The following KCNAB1 variants were observed in gnomAD, a reference collection of about 807,000 sequenced individuals.
The protein encoded by KCNAB1 is potassium voltage-gated channel subfamily A regulatory beta subunit 1, also known as voltage-gated potassium channel subunit beta-1.
In KCNAB1, 35 loss-of-function variants were observed where a neutral mutation model predicts 64.6. The ratio of observed to expected loss-of-function variants is 0.54; its 90% CI spans 0.41 to 0.72. The LOEUF (loss-of-function observed/expected upper bound fraction) is 0.72. Among genes scored for constraint, KCNAB1 ranks in the 30% least tolerant of loss-of-function variants. KCNAB1 has a pLI of 0.00. For synonymous variants in KCNAB1, 177 were observed against 183.8 expected (o/e 0.96, Z 0.30); for missense variants, 401 against 512.9 (o/e 0.78, Z 2.11).
chr3:156,241,676 C>T (rs928231899), intron 1 of KCNAB1, among the ~76,000 whole-genome samples: 4 of 152,174 alleles, frequency 2.6e-5, no homozygotes, highest in Admixed American at 2.6e-4. Context: ...TTTCCCTTCC[C>T]TAGCACCTGG....
chr3:156,236,931 T>G (rs1489173698), intron 1 of KCNAB1, among the ~76,000 whole-genome samples: 1 of 152,196 alleles, frequency 6.6e-6, no homozygotes, highest in Non-Finnish European at 1.5e-5. Context: ...ACAAAAGTCT[T>G]GCAAATAGGA....
intron 1 of KCNAB1, among the ~76,000 whole-genome samples, chr3:156,374,301 T>A (rs899290631): frequency 6.6e-6 from 1 of 152,154 alleles, no homozygotes; most frequent in Non-Finnish European, 1.5e-5. Context: ...ATCCTGTGAC[T>A]CTGTCCTGAG....
intron 2 of KCNAB1, among the ~76,000 whole-genome samples, chr3:156,442,292 G>A (rs1438689874): frequency 6.6e-6 from 1 of 152,154 alleles, no homozygotes; most frequent in African/African-American, 2.4e-5. Flanking sequence ...CCTCTAGAGA[G>A]CAATGTCAAT....
intron 1 of KCNAB1, among the ~76,000 whole-genome samples, chr3:156,389,491 T>C (rs1264705216): frequency 6.6e-6 from 1 of 152,110 alleles, no homozygotes; most frequent in Non-Finnish European, 1.5e-5. Flanking sequence ...CCACCCCAGA[T>C]CCCATGTACA....
intron 1 of KCNAB1, among the ~76,000 whole-genome samples, chr3:156,163,353 C>T (rs1716192428): frequency 6.6e-6 from 1 of 152,080 alleles, no homozygotes; most frequent in Admixed American, 6.5e-5. Flanking sequence ...TTTAGGTTTT[C>T]CAGTGAGCTA....
At chr3:156,276,716 C>T (rs1719369529) in intron 1 of KCNAB1, among the ~76,000 whole-genome samples, 1 of 152,164 alleles carries the variant, frequency 6.6e-6, no homozygotes, top group African/African-American at 2.4e-5. Context: ...TCATCTGTAG[C>T]TTTCCCACCT....
chr3:156,302,344 T>G (rs1721208952), intron 1 of KCNAB1, among the ~76,000 whole-genome samples: 1 of 152,116 alleles, frequency 6.6e-6, no homozygotes, highest in Non-Finnish European at 1.5e-5. Context: ...TTCCAGGAAT[T>G]AGGACATAGA....
At chr3:156,532,736 T>C (rs1288724342) in intron 13 of KCNAB1, among the ~76,000 whole-genome samples, 1 of 152,214 alleles carries the variant, frequency 6.6e-6, no homozygotes, top group African/African-American at 2.4e-5. Flanking sequence ...CCTACTGGAT[T>C]CTGTGAGGTT....
rs995930979 is a variant in KCNAB1 at position 156,291,032 on chromosome 3, C to T, written c.276-130584C>T. 22 of 985,672 alleles carry T rather than the reference C, an allele frequency of 2.2e-5. No homozygotes were observed. The African/African-American group carries it at 2.8e-4, about 13-fold the overall frequency. The allele number at this position is 985,672 out of a possible 1,614,324, so 61.1% of individuals were successfully genotyped here. A position where few individuals can be genotyped will look rare whatever the true frequency, so the allele number is the denominator to read the frequency against. On this transcript the variant is annotated intron_variant, in intron 1 of 13. Coordinates refer to ENST00000490337, the MANE Select transcript of KCNAB1 (RefSeq NM_172160.3). ...GGCATAAGCACCCCCTCTCTGCCTTCCCCCAGTTCCAACTGTTGTGCTGCA... is the reference window on the plus strand; with the variant it reads ...GGCATAAGCACCCCCTCTCTGCCTTTCCCCAGTTCCAACTGTTGTGCTGCA...
chr3:156,407,592 G>T (rs1055740791), intron 1 of KCNAB1, among the ~76,000 whole-genome samples: 1 of 152,328 alleles, frequency 6.6e-6, no homozygotes, highest in Admixed American at 6.5e-5. Context: ...GTCTTTTAAA[G>T]TTTATGTCCT....
intron 8 of KCNAB1, among the ~76,000 whole-genome samples, chr3:156,499,975 A>C (rs952597397): frequency 2.6e-5 from 4 of 152,152 alleles, no homozygotes; most frequent in Non-Finnish European, 4.4e-5. Context: ...AAATTTTCAT[A>C]TGGGGGTGAC....
intron 1 of KCNAB1, among the ~76,000 whole-genome samples, chr3:156,410,522 T>G (rs917878519): frequency 5.3e-5 from 8 of 152,222 alleles, no homozygotes; most frequent in Non-Finnish European, 8.8e-5. Context: ...ATTCACTTTT[T>G]GTGTTTCTAC....
At chr3:156,523,972 G>A in intron 12 of KCNAB1, 25 bp downstream of exon 12, 3 of 1,607,518 alleles carry the variant, frequency 1.9e-6, no homozygotes, top group Non-Finnish European at 2.5e-6. Context: ...AAGCTATGGG[G>A]TGGTAGAGGG....
intron 2 of KCNAB1, among the ~76,000 whole-genome samples, chr3:156,422,392 G>A (rs1225392978): frequency 6.6e-6 from 1 of 152,192 alleles, no homozygotes; most frequent in African/African-American, 2.4e-5. Flanking sequence ...TGGTAACTGA[G>A]GAAGTAGTGA....
chr3:156,304,609 T>C (rs1293570012), intron 1 of KCNAB1, among the ~76,000 whole-genome samples: 1 of 152,238 alleles, frequency 6.6e-6, no homozygotes, highest in Non-Finnish European at 1.5e-5. Context: ...TTTCCCTTGT[T>C]GGCATGTGGC....
rs191664424 is a variant in KCNAB1, at chr3:156,419,432, C to T, written c.276-2184C>T. Reference sequence around the variant, plus strand: ...AGGAGAGTGGCATGAACCCGGGAGGCGGAGCTTGCAGTGAGCCGAGATTGC... The same window carrying T: ...AGGAGAGTGGCATGAACCCGGGAGGTGGAGCTTGCAGTGAGCCGAGATTGC... On this transcript the variant is annotated intron_variant, in intron 1 of 13. Coordinates refer to ENST00000490337, the MANE Select transcript of KCNAB1 (RefSeq NM_172160.3). Among the ~76,000 whole-genome samples the T allele has an allele frequency of 3.8e-3, 569 of 149,604 alleles. 3 individuals are homozygous for T. The highest frequency in any genetic ancestry group is 0.013 in the African/African-American group (509 of 40,684).
Position 156,155,784 on chromosome 3 carries a change from C to T in KCNAB1, c.275+34898C>T, listed in dbSNP as rs184991289. 2.6e-5 allele frequency among the ~76,000 whole-genome samples: 4 copies of T among 152,296 alleles called. No individual in the cohort carries two copies. In the East Asian group the frequency reaches 5.8e-4, roughly 22 times the overall value. On this transcript the variant is annotated intron_variant, in intron 1 of 13. Coordinates refer to ENST00000490337, the MANE Select transcript of KCNAB1 (RefSeq NM_172160.3). ...CAGGTTCAGTGATTCACTAGAAGGA[C>T]TCACAGAACTCAGCAAAGTCATTAT... is the stretch of plus-strand genomic sequence containing the variant.
intron 1 of KCNAB1, among the ~76,000 whole-genome samples, chr3:156,322,075 C>T (rs1414782960): frequency 3.3e-5 from 5 of 152,218 alleles, no homozygotes; most frequent in Admixed American, 6.5e-5. Flanking sequence ...TGCATAACTT[C>T]AGGATCCCTT....
intron 1 of KCNAB1, among the ~76,000 whole-genome samples, chr3:156,203,339 G>A (rs1353365935): frequency 2.6e-5 from 4 of 152,182 alleles, no homozygotes; most frequent in African/African-American, 7.2e-5. Flanking sequence ...GCATAGAAAT[G>A]CTTTCTGTCT....
Sources: allele counts gnomAD v4.1 joint callset (sites outside exome capture counted in the v4.1 genomes callset), GRCh38; gene constraint gnomAD v4.1.1; transcripts MANE v1.5; gene names NCBI Gene and HGNC (gene_info 2026-07-23, HGNC 2026-07-21).